Variants in NKAIN2 observed in about 807,000 individuals in gnomAD.
NKAIN2 encodes the protein sodium/potassium-transporting ATPase subunit beta-1-interacting protein 2.
A neutral mutation model predicts 32.6 loss-of-function variants in NKAIN2; 14 were observed. The observed-to-expected ratio is 0.43, with a 90% CI of 0.28 to 0.67. NKAIN2 has a LOEUF of 0.67. Among genes scored for constraint, NKAIN2 ranks in the 30% least tolerant of loss-of-function variants. The pLI is 0.17. For missense variants in NKAIN2, 198 were observed against 258.3 expected (o/e 0.77, Z 1.60); for synonymous variants, 80 against 87.2 (o/e 0.92, Z 0.46).
At chr6:124,286,642 TTG>T (rs56396833) in intron 2 of NKAIN2, among the ~76,000 whole-genome samples, 2,408 of 144,320 alleles carry the variant, frequency 0.017, 31 homozygotes, top group South Asian at 0.058. Context: ...GTTTGGAAAA[TTG>T]TGTGTGTGTG....
intron 1 of NKAIN2, among the ~76,000 whole-genome samples, chr6:124,098,555 A>G (rs2114943042): frequency 1.3e-5 from 2 of 152,278 alleles, no homozygotes; most frequent in Middle Eastern, 6.8e-3. Flanking sequence ...TCTTTAGTAC[A>G]GTTAAAAAGG....
chr6:124,409,765 A>G (rs1446082339), intron 3 of NKAIN2, among the ~76,000 whole-genome samples: 2 of 152,176 alleles, frequency 1.3e-5, no homozygotes, highest in Non-Finnish European at 2.9e-5. Context: ...TTCAGAAGGA[A>G]TGGTACCAGC....
chr6:124,033,951 A>G (rs986121543), intron 1 of NKAIN2, among the ~76,000 whole-genome samples: 3 of 152,074 alleles, frequency 2.0e-5, no homozygotes, highest in African/African-American at 7.2e-5. Context: ...GTCCAAAAGG[A>G]GAGTACATGT....
chr6:124,546,116 T>C (rs640949), intron 3 of NKAIN2, among the ~76,000 whole-genome samples: 150,288 of 152,278 alleles, frequency 0.99, 74,163 homozygotes, highest in East Asian at 1. Context: ...ATATATGGAC[T>C]AATGTGCAAG....
At chr6:123,859,739 G>A (rs759527417) in intron 1 of NKAIN2, among the ~76,000 whole-genome samples, 1 of 152,166 alleles carries the variant, frequency 6.6e-6, no homozygotes, top group Non-Finnish European at 1.5e-5. Context: ...CACCCAGGCT[G>A]TAGTGCAGTG....
At chr6:124,708,037 T>A (rs1430130403) in intron 4 of NKAIN2, among the ~76,000 whole-genome samples, 8 of 148,450 alleles carry the variant, frequency 5.4e-5, no homozygotes, top group East Asian at 3.9e-4. Flanking sequence ...AAGGAAGGGA[T>A]CCAGTTTCAG....
chr6:124,207,774 A>G (rs1790969712), intron 1 of NKAIN2, among the ~76,000 whole-genome samples: 1 of 151,940 alleles, frequency 6.6e-6, no homozygotes, highest in Non-Finnish European at 1.5e-5. Flanking sequence ...TTTTGTTTTG[A>G]TTTCAGTAAA....
chr6:124,239,177 G>A (rs1320191819), intron 1 of NKAIN2, among the ~76,000 whole-genome samples: 1 of 152,140 alleles, frequency 6.6e-6, no homozygotes, highest in African/African-American at 2.4e-5. Flanking sequence ...TAATGATAAA[G>A]TATCAATGCA....
chr6:124,171,547 ATTT>A (rs10665262), intron 1 of NKAIN2, among the ~76,000 whole-genome samples: 141 of 96,472 alleles, frequency 1.5e-3, no homozygotes, highest in African/African-American at 5.4e-3. Flanking sequence ...GGCCGATTTG[ATTT>A]TTTTTTTTTT....
At chr6:124,402,285 A>G (rs983828192) in intron 3 of NKAIN2, among the ~76,000 whole-genome samples, 6 of 152,168 alleles carry the variant, frequency 3.9e-5, no homozygotes, top group Non-Finnish European at 8.8e-5. Flanking sequence ...CGATAAATCT[A>G]TAGTAAGTTG....
chr6:124,192,781 G>A lies in NKAIN2; in HGVS notation c.55-90224G>A, dbSNP rs368584376. Among the ~76,000 whole-genome samples the A allele has an allele frequency of 5.1e-3, 579 of 114,228 alleles. 9 individuals carry two copies. The highest frequency in any genetic ancestry group is 0.016 in the African/African-American group (465 of 28,810). The allele number at this position is 114,228 out of a possible 152,430, so 74.9% of individuals were successfully genotyped here. A position where few individuals can be genotyped will look rare whatever the true frequency, so the allele number is the denominator to read the frequency against. On this transcript the variant is annotated intron_variant, in intron 1 of 6. Transcript: ENST00000368417. ...TTTTTTTTTTTTGAGACAGAGTCTC[G>A]CTCTGTCGCCCAGGCTGGAGTGCAG...
At chr6:124,115,206 TTAG>T (rs1785554113) in intron 1 of NKAIN2, among the ~76,000 whole-genome samples, 1 of 152,180 alleles carries the variant, frequency 6.6e-6, no homozygotes, top group African/African-American at 2.4e-5. Context: ...GACTGTGAAC[TTAG>T]TAAAGCTTTG....
intron 1 of NKAIN2, among the ~76,000 whole-genome samples, chr6:124,143,928 G>A (rs1787264072): frequency 6.6e-6 from 1 of 152,074 alleles, no homozygotes; most frequent in African/African-American, 2.4e-5. Flanking sequence ...ACTAAAGTTA[G>A]AAAATGCAAT....
At chr6:124,365,052 A>C (rs578091054) in intron 3 of NKAIN2, among the ~76,000 whole-genome samples, 6 of 152,048 alleles carry the variant, frequency 3.9e-5, no homozygotes, top group African/African-American at 1.4e-4. Context: ...ACTCCTAAAA[A>C]CTAAGTATAG....
chr6:124,778,405 T>C (rs1198398841), intron 4 of NKAIN2, among the ~76,000 whole-genome samples: 3 of 152,082 alleles, frequency 2.0e-5, no homozygotes, highest in Admixed American at 6.6e-5. Flanking sequence ...GTCTCCTTTT[T>C]TGATATTTGA....
intron 1 of NKAIN2, among the ~76,000 whole-genome samples, chr6:124,165,230 T>G (rs1582772101): frequency 6.6e-6 from 1 of 152,036 alleles, no homozygotes; most frequent in Admixed American, 6.6e-5. Context: ...TGAAATATAT[T>G]AAGAAGCTTT....
chr6:124,291,452 C>G (rs1795812447), intron 2 of NKAIN2, among the ~76,000 whole-genome samples: 1 of 151,948 alleles, frequency 6.6e-6, no homozygotes, highest in Non-Finnish European at 1.5e-5. Context: ...GCCTCAAGGT[C>G]TCTCTGACCT....
At chr6:124,121,513 C>A (rs1414576567) in intron 1 of NKAIN2, among the ~76,000 whole-genome samples, 1 of 151,856 alleles carries the variant, frequency 6.6e-6, no homozygotes. Flanking sequence ...ATCATTGATG[C>A]AATCAGAGTT....
intron 3 of NKAIN2, among the ~76,000 whole-genome samples, chr6:124,618,888 C>A (rs1783006843): frequency 1.3e-5 from 2 of 152,154 alleles, no homozygotes; most frequent in African/African-American, 4.8e-5. Flanking sequence ...ACCATTTCTT[C>A]TCAATAGTTT....
Sources: allele counts gnomAD v4.1 joint callset (sites outside exome capture counted in the v4.1 genomes callset), GRCh38; gene constraint gnomAD v4.1.1; transcripts MANE v1.5; gene names NCBI Gene and HGNC (gene_info 2026-07-23, HGNC 2026-07-21).